SVIL: variants seen among roughly 807,000 people sequenced by gnomAD.
The protein encoded by SVIL is archvillin.
In SVIL, 101 loss-of-function variants were observed where a neutral mutation model predicts 240.4. The ratio of observed to expected loss-of-function variants is 0.42; its 90% CI spans 0.36 to 0.50. The LOEUF (loss-of-function observed/expected upper bound fraction) is 0.50, where lower values mean the gene tolerates loss of function less well. Ranked by LOEUF, SVIL falls within the 20% of genes least tolerant of loss-of-function variation. SVIL has a pLI of 0.01. For missense variants in SVIL, 2,512 were observed against 2,818.7 expected, an observed-to-expected ratio of 0.89 and a Z score of 2.46; for synonymous variants, 999 against 1,100.0, an observed-to-expected ratio of 0.91 and a Z score of 1.82.
chr10:29,700,180 G>A lies in SVIL; in HGVS notation c.-399-13529C>T, dbSNP rs1962398794. 4.6e-5 allele frequency among the ~76,000 whole-genome samples: 7 copies of A among 152,316 alleles called. No individual in the cohort carries two copies. The South Asian group carries it at 1.2e-3, about 27-fold the overall frequency. On this transcript the variant is annotated intron_variant, in intron 1 of 35. Transcript: ENST00000375400. ...GCTTGGGAGTTGGCTGAAGGTGCTA[G>A]TGGGAATGTTGAGACCCTAACTTTG...
intron 1 of SVIL, among the ~76,000 whole-genome samples, chr10:29,569,793 T>G (rs1001329333): frequency 6.6e-6 from 1 of 151,954 alleles, no homozygotes; most frequent in South Asian, 2.1e-4. Flanking sequence ...TGTCTTTTGC[T>G]CTCATTAAAA....
rs1449405540 is a variant in SVIL at position 29,569,318 on chromosome 10, G to A, written c.-200-6C>T. 32 of 984,286 alleles carry A rather than the reference G, an allele frequency of 3.3e-5. No individual in the cohort carries two copies. Among genetic ancestry groups the A allele is most frequent in the Non-Finnish European group, 3.6e-5 (30 of 828,716 alleles). The allele number at this position is 984,286 out of a possible 1,614,324, so 61.0% of individuals were successfully genotyped here. A position where few individuals can be genotyped will look rare whatever the true frequency, so the allele number is the denominator to read the frequency against. ...TAAGTTTTTCTTGTTGAAATCTAAG[G>A]GAAAAGAAATAATGTAACATTGAAA... On this transcript the variant is annotated splice_region_variant and splice_polypyrimidine_tract_variant and intron_variant, in intron 1 of 37. Coordinates refer to ENST00000355867, the MANE Select transcript of SVIL (RefSeq NM_021738.3).
chr10:29,675,337 A>G (rs910838300), intron 2 of SVIL, among the ~76,000 whole-genome samples: 18 of 152,198 alleles, frequency 1.2e-4, no homozygotes, highest in Non-Finnish European at 2.4e-4. Flanking sequence ...CCATTTCTGC[A>G]AAGAAAAAGT....
At chr10:29,701,104 C>T (rs984130964) in intron 1 of SVIL, among the ~76,000 whole-genome samples, 4 of 152,194 alleles carry the variant, frequency 2.6e-5, no homozygotes, top group African/African-American at 9.7e-5. Flanking sequence ...TTATACCCCT[C>T]TATTCATCTG....
chr10:29,575,879 A>C (rs565470808), intron 1 of SVIL, among the ~76,000 whole-genome samples: 2 of 152,276 alleles, frequency 1.3e-5, no homozygotes, highest in Middle Eastern at 3.4e-3. Context: ...ACACATTGGA[A>C]TTTTGCTCAA....
chr10:29,591,116 A>G (rs1184951993), intron 1 of SVIL, among the ~76,000 whole-genome samples: 2 of 152,250 alleles, frequency 1.3e-5, no homozygotes, highest in Admixed American at 6.5e-5. Flanking sequence ...CTTATGTTCT[A>G]GTAATAACCA....
At chr10:29,473,693 G>T in intron 30 of SVIL, 145 bp downstream of exon 30, 1 of 1,054,514 alleles carries the variant, frequency 9.5e-7, no homozygotes. Context: ...GAGACCTGCA[G>T]AAGCCAGACC....
rs1307326759 is a variant in SVIL, at chr10:29,533,061, C to T, written c.1306G>A (p.Gly436Arg). 4.3e-6 allele frequency: 7 copies of T among 1,613,888 alleles called. No homozygotes were observed. Among genetic ancestry groups the T allele is most frequent in the African/African-American group, 1.3e-5 (1 of 74,898 alleles). The change falls in exon 8 of 38, where the codon GGA (glycine) becomes AGA (arginine). Residue 436 changes from glycine (G) to arginine (R), a missense_variant. By Grantham distance (125) the Gly-to-Arg change is moderately radical. Transcript: ENST00000355867. ...KAEEEEGEGE[G>R]EEKEEDVCFT... is the part of the protein sequence containing the mutation. ...CACACATCTTCTTCTTTTTCTTCTC[C>T]TTCTCCTTCCCCTTCTTCTTCTTCT...
chr10:29,696,909 C>T (rs1242819939), intron 1 of SVIL, among the ~76,000 whole-genome samples: 1 of 147,572 alleles, frequency 6.8e-6, no homozygotes, highest in Non-Finnish European at 1.5e-5. Flanking sequence ...GTGAGGAGTC[C>T]CTCTGCCCAG....
intron 1 of SVIL, among the ~76,000 whole-genome samples, chr10:29,713,327 A>AGC (rs1358082080): frequency 6.6e-6 from 1 of 152,044 alleles, no homozygotes; most frequent in Admixed American, 6.6e-5. Context: ...GGCAACCCAA[A>AGC]GCACATACAT....
chr10:29,478,924 CAAAAAAAAAAAAAAAA>C (rs71020791), intron 29 of SVIL, among the ~76,000 whole-genome samples: 1 of 63,040 alleles, frequency 1.6e-5, no homozygotes, highest in Admixed American at 1.9e-4. Flanking sequence ...AACCCTGTCT[CAAAAAAAAAAAAAAAA>C]AAAAAAAAAA....
intron 5 of SVIL, among the ~76,000 whole-genome samples, chr10:29,551,681 A>G (rs1000007732): frequency 2.6e-5 from 4 of 152,224 alleles, no homozygotes; most frequent in African/African-American, 9.6e-5. Flanking sequence ...CCGTCATTGG[A>G]CAAGTGATGG....
At position 29,704,268 on chromosome 10, in the gene SVIL, C is replaced by T. The variant is rs75621234; in HGVS notation, c.-399-17617G>A. 5.2e-3 allele frequency among the ~76,000 whole-genome samples: 796 copies of T among 152,302 alleles called. 8 individuals carry two copies. The highest frequency in any genetic ancestry group is 0.019 in the African/African-American group (772 of 41,554). On this transcript the variant is annotated intron_variant, in intron 1 of 35. Transcript: ENST00000375400. ...CCAAGTTGTAGAGCTCACGCCACTC[C>T]CTAAACTTGCAGTGTCGTGTGTGTG... is the stretch of plus-strand genomic sequence containing the variant.
intron 5 of SVIL, among the ~76,000 whole-genome samples, chr10:29,553,782 T>C (rs1458487518): frequency 1.3e-5 from 2 of 152,188 alleles, no homozygotes; most frequent in African/African-American, 4.8e-5. Flanking sequence ...ATGAAATAAA[T>C]ATGCAACGTA....
intron 1 of SVIL, among the ~76,000 whole-genome samples, chr10:29,728,473 A>G (rs1169558697): frequency 6.6e-6 from 1 of 152,230 alleles, no homozygotes; most frequent in Non-Finnish European, 1.5e-5. Context: ...AGGGTATTCA[A>G]TATCATTATT....
At chr10:29,628,997 G>T (rs543192407) in intron 1 of SVIL, among the ~76,000 whole-genome samples, 27 of 152,252 alleles carry the variant, frequency 1.8e-4, no homozygotes, top group African/African-American at 6.5e-4. Context: ...CAGGGAGGCT[G>T]CGGGGACATC....
Position 29,529,765 on chromosome 10 carries a change from C to T in SVIL, c.2186G>A (p.Arg729His), listed in dbSNP as rs781570091. 1.9e-5 allele frequency: 31 copies of T among 1,613,594 alleles called. No individual in the cohort carries two copies. The Middle Eastern group carries it at 5.0e-4, about 26-fold the overall frequency. The change falls in exon 12 of 38, where the codon CGT becomes CAT. Residue 729 changes from arginine to histidine, a missense_variant. Arg to His is a conservative substitution (Grantham distance 29, BLOSUM62 0). This residue lies in a region of SVIL where 1,443 missense variants were observed against 1,486.6 expected (regional missense o/e 0.97). Transcript: ENST00000355867. Reference protein sequence around the residue: ...RNTAVEQRLRRLQDRSLTQPI... With the variant: ...RNTAVEQRLRHLQDRSLTQPI... ...CTGGGTGAGGGACCTGTCCTGCAGA[C>T]GGCGTAGCCTCTGCTCCACAGCTGT...
Position 29,582,736 on chromosome 10 carries a change from A to AATAATG in SVIL, c.-200-13425_-200-13424insCATTAT, listed in dbSNP as rs1427225865. ...GACAGAGTGAGACCCTGTCTCTAAT[A>AATAATG]ATAATAATAATAATAATAATAATAA... On this transcript the variant is annotated intron_variant, in intron 1 of 37. Transcript: ENST00000355867. 8.9e-5 allele frequency among the ~76,000 whole-genome samples: 9 copies of AATAATG among 101,408 alleles called. No homozygotes were observed. The East Asian group carries it at 2.7e-3, about 30-fold the overall frequency. 66.5% of individuals were successfully genotyped at this position (101,408 alleles called of 152,430 possible). A position where few individuals can be genotyped will look rare whatever the true frequency, so the allele number is the denominator to read the frequency against.
At chr10:29,486,583 C>G in intron 24 of SVIL, 26 bp from the exon 25 acceptor site, 2 of 1,613,848 alleles carry the variant, frequency 1.2e-6, no homozygotes, top group Non-Finnish European at 1.7e-6. Context: ...ACACAATTGC[C>G]TGGGTAGAAA....
Sources: gnomAD v4.1 joint callset for allele counts (sites outside exome capture counted in the v4.1 genomes callset) on GRCh38, gnomAD v4.1.1 for gene constraint, gnomAD v4.1.1 regional missense constraint, MANE v1.5 for transcripts, NCBI Gene and HGNC (gene_info 2026-07-23, HGNC 2026-07-21) for gene names.